The following USP9X variants were observed in gnomAD, a reference collection of about 807,000 sequenced individuals.
The protein encoded by USP9X is ubiquitin carboxyl-terminal hydrolase 9X.
In USP9X, 7 loss-of-function variants were observed where a neutral mutation model predicts 190.3. The ratio of observed to expected loss-of-function variants is 0.04; its 90% confidence interval spans 0.02 to 0.07. USP9X has a LOEUF of 0.07. Among genes scored for constraint, USP9X ranks in the 10% least tolerant of loss-of-function variants. USP9X has a pLI of 1.00. For synonymous variants in USP9X, 645 were observed against 659.5 expected (o/e 0.98, Z 0.34); for missense variants, 1,010 against 1,916.9 (o/e 0.53, Z 8.83).
intron 1 of USP9X, among the ~76,000 whole-genome samples, chrX:41,092,017 G>A (rs1466301773): frequency 1.8e-5 from 2 of 111,837 alleles, no homozygotes; most frequent in Non-Finnish European, 3.8e-5. Context: ...TATTTAACTT[G>A]CAGTACCTCC....
chrX:41,189,501 AACTT>A (rs779703144), intron 26 of USP9X, 26 bp downstream of exon 26: 5 of 1,153,791 alleles, frequency 4.3e-6, no homozygotes, highest in Non-Finnish European at 5.8e-6. Flanking sequence ...AATTGTAAGA[AACTT>A]ACTTTTTGTA....
intron 11 of USP9X, among the ~76,000 whole-genome samples, chrX:41,145,771 A>G (rs2062459080): frequency 9.0e-6 from 1 of 111,675 alleles, no homozygotes; most frequent in Non-Finnish European, 1.9e-5. Flanking sequence ...AGTAGAAGAA[A>G]AAAATACCAT....
Position 41,186,406 on chromosome X carries a change from G to A in USP9X, c.3559-111G>A, listed in dbSNP as rs2062876041. On this transcript the variant is annotated intron_variant, in intron 23 of 44. Coordinates refer to ENST00000378308, the MANE Select transcript of USP9X (RefSeq NM_001039591.3). The stretch of plus-strand genomic sequence containing the variant: ...TAAGTTGCCACAGGTTCTATAATGT[G>A]TATATGCAAGGAAGTCGTTCTGCAG... The A allele has an allele frequency of 3.4e-6, 3 of 886,550 alleles. No individual in the cohort carries two copies. In the Admixed American group the frequency reaches 7.6e-5, roughly 22 times the overall value. The allele number at this position is 886,550 out of a possible 1,213,427, so 73.1% of individuals were successfully genotyped here.
intron 21 of USP9X, among the ~76,000 whole-genome samples, chrX:41,177,971 GAGA>G (rs1375988404): frequency 9.3e-6 from 1 of 107,544 alleles, no homozygotes; most frequent in East Asian, 3.0e-4. Context: ...TTTCTGGTAT[GAGA>G]AGATGTTTCA....
intron 2 of USP9X, among the ~76,000 whole-genome samples, chrX:41,124,042 C>T (rs1351577005): frequency 1.8e-5 from 2 of 109,584 alleles, no homozygotes; most frequent in African/African-American, 3.3e-5. Flanking sequence ...GTCTCTGTCT[C>T]AAAAACAAAA....
At chrX:41,156,307 G>T (rs2062578387) in intron 14 of USP9X, among the ~76,000 whole-genome samples, 1 of 111,861 alleles carries the variant, frequency 8.9e-6, no homozygotes, top group African/African-American at 3.3e-5. Flanking sequence ...ACTCCAGGCA[G>T]GTGTGACTAA....
At chrX:41,200,179 C>T (rs1216812987) in intron 30 of USP9X, among the ~76,000 whole-genome samples, 4 of 110,030 alleles carry the variant, frequency 3.6e-5, no homozygotes, top group Admixed American at 2.0e-4. Flanking sequence ...AGACCTTTAG[C>T]TGTCCTATCA....
intron 21 of USP9X, among the ~76,000 whole-genome samples, chrX:41,178,234 G>A (rs901429858): frequency 2.8e-5 from 3 of 105,759 alleles, no homozygotes; most frequent in Admixed American, 1.0e-4. Context: ...CCGAATAGCT[G>A]TGATTACAGG....
At chrX:41,107,441 C>T (rs1353930262) in intron 1 of USP9X, among the ~76,000 whole-genome samples, 10 of 112,355 alleles carry the variant, frequency 8.9e-5, no homozygotes, top group Non-Finnish European at 1.7e-4. Flanking sequence ...GTGATGGATG[C>T]ACTTTTTGCT....
intron 1 of USP9X, among the ~76,000 whole-genome samples, chrX:41,104,710 C>T (rs1436341422): frequency 9.0e-6 from 1 of 111,337 alleles, no homozygotes; most frequent in African/African-American, 3.3e-5. Context: ...TTACTGGGTC[C>T]CTCTGTGTGT....
chrX:41,123,864 G>T, intron 2 of USP9X, 140 bp downstream of exon 2: 1 of 528,169 alleles, frequency 1.9e-6, no homozygotes, highest in Non-Finnish European at 3.0e-6. Context: ...TCAACAGGGT[G>T]GAACCCTGTC....
chrX:41,088,030 C>T (rs1324838189), intron 1 of USP9X, among the ~76,000 whole-genome samples: 1 of 112,180 alleles, frequency 8.9e-6, no homozygotes, highest in Non-Finnish European at 1.9e-5. Context: ...GTCGCCCAGG[C>T]TGGAGTGCAG....
chrX:41,157,702 A>G (rs907727812), intron 14 of USP9X, among the ~76,000 whole-genome samples: 5 of 111,709 alleles, frequency 4.5e-5, no homozygotes, highest in African/African-American at 1.6e-4. Flanking sequence ...CATATCTAAC[A>G]TGTCCAGATT....
At chrX:41,210,960 CTCCTTTT>C (rs1319033994) in intron 33 of USP9X, among the ~76,000 whole-genome samples, 1 of 109,580 alleles carries the variant, frequency 9.1e-6, no homozygotes, top group Non-Finnish European at 1.9e-5. Flanking sequence ...CCTTTCCTTT[CTCCTTTT>C]TCTTTTCCTT....
chrX:41,127,991 C>G (rs1007344481), intron 2 of USP9X, among the ~76,000 whole-genome samples: 6 of 111,849 alleles, frequency 5.4e-5, no homozygotes, highest in Non-Finnish European at 9.4e-5. Context: ...AAAGTTCATT[C>G]ACTTAGTTGT....
intron 1 of USP9X, among the ~76,000 whole-genome samples, chrX:41,097,731 C>T (rs751996819): frequency 1.8e-5 from 2 of 111,954 alleles, no homozygotes; most frequent in South Asian, 7.4e-4. Flanking sequence ...CCTCCTTCTG[C>T]CTTCAATCTA....
chrX:41,161,329 CT>C (rs1158519140), intron 14 of USP9X, among the ~76,000 whole-genome samples: 57 of 32,456 alleles, frequency 1.8e-3, no homozygotes, highest in African/African-American at 6.8e-3. Context: ...GAATTCTTGC[CT>C]TTTTTTTTTT....
chrX:41,125,684 A>ACACACACACTCTCTCTCTCTCTCT, intron 2 of USP9X, among the ~76,000 whole-genome samples: 9 of 19,017 alleles, frequency 4.7e-4, no homozygotes, highest in Admixed American at 7.6e-4. Flanking sequence ...ACACACACAC[A>ACACACACACTCTCTCTCTCTCTCT]CTCTCTCTCT....
rs753095262 is a variant in USP9X at position 41,097,786 on chromosome X, A to G, written c.-159+11677A>G. Among the ~76,000 whole-genome samples, 44 of 111,471 alleles carry G rather than the reference A, an allele frequency of 3.9e-4. 1 individual carries two copies. In the South Asian group the frequency reaches 0.016, roughly 41 times the overall value. ...ATAGCCTTTGGAAGAACTCCATAGT[A>G]CACTTGAGAAAGAATGACAGTGAAA... On this transcript the variant is annotated intron_variant, in intron 1 of 44. Coordinates refer to ENST00000378308, the MANE Select transcript of USP9X (RefSeq NM_001039591.3).
Sources: allele counts gnomAD v4.1 joint callset (sites outside exome capture counted in the v4.1 genomes callset), GRCh38; gene constraint gnomAD v4.1.1; transcripts MANE v1.5; gene names NCBI Gene and HGNC (gene_info 2026-07-23, HGNC 2026-07-21).